CEP104: variants seen among roughly 807,000 people sequenced by gnomAD.
CEP104 encodes centrosomal protein of 104 kDa.
A neutral mutation model predicts 113.3 loss-of-function variants in CEP104; 84 were observed. The ratio of observed to expected loss-of-function variants is 0.74; its 90% CI spans 0.62 to 0.89. The LOEUF (loss-of-function observed/expected upper bound fraction) is 0.89, where lower values mean the gene tolerates loss of function less well. CEP104 is among the 40% of genes least tolerant of loss of function. The pLI, the probability that CEP104 is intolerant of heterozygous loss-of-function variation, is 0.00. For synonymous variants in CEP104, 378 were observed against 421.7 expected (o/e 0.90, Z 1.27); for missense variants, 1,053 against 1,156.6 (o/e 0.91, Z 1.30).
rs74854676 is a variant in CEP104 at position 3,823,077 on chromosome 1, T to G, written c.2571+97A>C. 1.8e-6 allele frequency: 2 copies of G among 1,119,448 alleles called. No homozygotes were observed. Among genetic ancestry groups the G allele is most frequent in the Non-Finnish European group, 2.7e-6 (2 of 738,864 alleles). 69.3% of individuals were successfully genotyped at this position (1,119,448 alleles called of 1,614,324 possible). A position where few individuals can be genotyped will look rare whatever the true frequency, so the allele number is the denominator to read the frequency against. ...CTGAACACTCATGTACTGTACTCTG[T>G]GGCTATGGTCCCGCACTGACACCAC... On this transcript the variant is annotated intron_variant, in intron 20 of 21. Coordinates refer to ENST00000378230, the MANE Select transcript of CEP104 (RefSeq NM_014704.4). This position sits in a 1 kb window ranked among gnomAD's most constrained non-coding sequence, Gnocchi z 4.1.
rs1643811082 is a variant in CEP104 at position 3,812,413 on chromosome 1, T to C, written c.*2989A>G. On this transcript the variant is annotated 3_prime_UTR_variant, in exon 22 of 22. Coordinates refer to ENST00000378230, the MANE Select transcript of CEP104 (RefSeq NM_014704.4). ...TTAATTAGTATTCCTAATTTAGATA[T>C]TTATTTATGAATGACCAAGGGATTT... 6.6e-6 allele frequency: 1 copy of C among 152,208 alleles called. No homozygotes were observed. 9.4% of individuals were successfully genotyped at this position (152,208 alleles called of 1,614,324 possible).
chr1:3,830,105 C>T (rs1644173717), intron 13 of CEP104, 108 bp from the exon 14 acceptor site: 1 of 781,426 alleles, frequency 1.3e-6, no homozygotes. Context: ...GAGAAAACAT[C>T]CGTATTAAGT....
rs985239369 is a variant in CEP104 at position 3,844,950 on chromosome 1, C to T, written c.523G>A (p.Gly175Arg). The change falls in exon 6 of 22, where the codon GGG becomes AGG. Residue 175 changes from glycine to arginine, a missense_variant. Gly to Arg is a moderately radical substitution (Grantham distance 125, BLOSUM62 -2). Transcript: ENST00000378230. ...AGAGCAGGGTCCTCGCTGTTGTGCC[C>T]AAGGTAGTGGTCAATCAACTTCTCT... ...SREKLIDHYL[G>R]HNSEDPALEG... 3.7e-6 allele frequency: 6 copies of T among 1,614,124 alleles called. No individual in the cohort carries two copies. The African/African-American group carries it at 6.7e-5, about 18-fold the overall frequency.
At chr1:3,844,629 T>C (rs777862415) in intron 6 of CEP104, among the ~76,000 whole-genome samples, 11 of 135,426 alleles carry the variant, frequency 8.1e-5, no homozygotes, top group Non-Finnish European at 1.4e-4. Context: ...ACTCAGGAGG[T>C]AGAAGTTATA....
chr1:3,835,425 G>A (rs1410064213), intron 10 of CEP104, among the ~76,000 whole-genome samples: 2 of 152,152 alleles, frequency 1.3e-5, no homozygotes, highest in Non-Finnish European at 2.9e-5. Context: ...GCCCAGGCTG[G>A]AGTGCAGTGG....
At position 3,842,503 on chromosome 1, in the gene CEP104, A is replaced by C. The variant is rs370006069; in HGVS notation, c.566+2404T>G. Among the ~76,000 whole-genome samples, 162 of 152,326 alleles carry C rather than the reference A, an allele frequency of 1.1e-3. 1 individual carries two copies. The highest frequency in any genetic ancestry group is 3.5e-3 in the African/African-American group (146 of 41,578). On this transcript the variant is annotated intron_variant, in intron 6 of 21. Transcript: ENST00000378230. Reference sequence around the variant, plus strand: ...TGTGGGGAGGCGGTGTAGCCTCTGCAGGAGGGAAGGCTCGCTGTCCACCAG... The same window carrying C: ...TGTGGGGAGGCGGTGTAGCCTCTGCCGGAGGGAAGGCTCGCTGTCCACCAG...
Position 3,829,832 on chromosome 1 carries a change from A to AAT in CEP104, c.2001_2002insAT (p.Phe668IlefsTer5). 2 of 1,614,142 alleles carry AAT rather than the reference A, an allele frequency of 1.2e-6. No homozygotes were observed. The highest frequency in any genetic ancestry group is 1.7e-6 in the Non-Finnish European group (2 of 1,180,012). On this transcript the variant is annotated frameshift_variant, in exon 14 of 22. Coordinates refer to ENST00000378230, the MANE Select transcript of CEP104 (RefSeq NM_014704.4). LOFTEE classifies it high-confidence loss of function. ...GTAGCTCTGCCATCTATTTTAGCAA[A>AAT]TCCCTCAAAAATTGTTTTGTAGAGA...
At chr1:3,836,987 G>T in intron 9 of CEP104, 1 of 516,274 alleles carries the variant, frequency 1.9e-6, no homozygotes, top group Non-Finnish European at 3.4e-6. Context: ...CAACTGACAT[G>T]GAGACTACTA....
At chr1:3,848,949 C>T (rs1174017793) in intron 2 of CEP104, among the ~76,000 whole-genome samples, 168 bp from the exon 3 acceptor site, 1 of 152,154 alleles carries the variant, frequency 6.6e-6, no homozygotes, top group Non-Finnish European at 1.5e-5. Flanking sequence ...TTCCTGTTCT[C>T]TCGAGCTTTT....
Position 3,834,912 on chromosome 1 carries a change from T to G in CEP104, c.1485+13A>C. On this transcript the variant is annotated intron_variant, in intron 11 of 21. Coordinates refer to ENST00000378230, the MANE Select transcript of CEP104 (RefSeq NM_014704.4). ...CATGCACGCTGGAGCCAGCGCCAGC[T>G]GAGGGCACTCACGGAGGTCACAATG... is the stretch of plus-strand genomic sequence containing the variant. 6.4e-7 allele frequency: 1 copy of G among 1,570,754 alleles called. No individual in the cohort carries two copies. Among genetic ancestry groups the G allele is most frequent in the Non-Finnish European group, 8.6e-7 (1 of 1,156,682 alleles).
Position 3,823,346 on chromosome 1 carries a change from G to A in CEP104, c.2503+78C>T. On this transcript the variant is annotated intron_variant, in intron 19 of 21. Coordinates refer to ENST00000378230, the MANE Select transcript of CEP104 (RefSeq NM_014704.4). The surrounding 1 kb of genome is among the most constrained non-coding windows in gnomAD (Gnocchi z 4.1). ...CTTTAATTCACCAAGCCCTTGCACAGGCTCAAGAGCAGTGGCACTTCCTCC... is the reference window on the plus strand; with the variant it reads ...CTTTAATTCACCAAGCCCTTGCACAAGCTCAAGAGCAGTGGCACTTCCTCC... The A allele has an allele frequency of 1.9e-6, 3 of 1,610,870 alleles. No individual in the cohort carries two copies. The highest frequency in any genetic ancestry group is 2.5e-6 in the Non-Finnish European group (3 of 1,177,150).
chr1:3,842,774 CTCTT>C (rs1322445183), intron 6 of CEP104, among the ~76,000 whole-genome samples: 10 of 152,054 alleles, frequency 6.6e-5, no homozygotes, highest in Non-Finnish European at 8.8e-5. Context: ...TTTGGAATTC[CTCTT>C]TATTTAAAAT....
At chr1:3,832,051 C>T (rs1216673593) in intron 12 of CEP104, among the ~76,000 whole-genome samples, 2 of 152,238 alleles carry the variant, frequency 1.3e-5, no homozygotes, top group African/African-American at 2.4e-5. Flanking sequence ...GATAGATTGC[C>T]TTAAGGTTGT....
chr1:3,847,435 G>T, intron 4 of CEP104, 40 bp downstream of exon 4: 1 of 1,525,154 alleles, frequency 6.6e-7, no homozygotes, highest in South Asian at 1.3e-5. Context: ...CCACAAAGAA[G>T]GTAGGGGCAG....
intron 10 of CEP104, among the ~76,000 whole-genome samples, chr1:3,836,088 T>G (rs1644303323): frequency 6.6e-6 from 1 of 151,130 alleles, no homozygotes; most frequent in African/African-American, 2.4e-5. Context: ...GATCACAAGA[T>G]CAGGAGATCG....
chr1:3,854,358 G>A (rs566575781), intron 1 of CEP104, among the ~76,000 whole-genome samples: 37 of 152,182 alleles, frequency 2.4e-4, no homozygotes, highest in African/African-American at 8.9e-4. Flanking sequence ...GGATCAATGC[G>A]CCAACTCTCC....
chr1:3,838,979 G>A lies in CEP104; in HGVS notation c.876C>T (p.Leu292=), dbSNP rs746899490. ...EVYEQLELHS[L]LDAELMRRPF... is the part of the protein sequence containing the mutation. Reference sequence around the variant, plus strand: ...CTGCACCCACCAGCTCGGCATCCAGGAGGCTGTGCAGCTCCAGCTGCTCGT... The same window carrying A: ...CTGCACCCACCAGCTCGGCATCCAGAAGGCTGTGCAGCTCCAGCTGCTCGT... Residue 292 remains leucine, a synonymous_variant, in exon 8 of 22, where the codon CTC becomes CTT. Transcript: ENST00000378230. The A allele has an allele frequency of 8.7e-6, 14 of 1,614,048 alleles. No individual in the cohort carries two copies. Among genetic ancestry groups the A allele is most frequent in the Non-Finnish European group, 1.2e-5 (14 of 1,180,010 alleles).
At position 3,835,438 on chromosome 1, in the gene CEP104, C is replaced by T. The variant is rs534104369; in HGVS notation, c.1318-346G>A. On this transcript the variant is annotated intron_variant, in intron 10 of 21. Coordinates refer to ENST00000378230, the MANE Select transcript of CEP104 (RefSeq NM_014704.4). ...TCGCCCAGGCTGGAGTGCAGTGGCT[C>T]GGCTCACTGCAACCTCTGTCCCCCT... Among the ~76,000 whole-genome samples, 16 of 152,294 alleles carry T rather than the reference C, an allele frequency of 1.1e-4. No individual in the cohort carries two copies. The South Asian group carries it at 2.5e-3, about 24-fold the overall frequency.
chr1:3,844,698 C>CAA (rs59649331), intron 6 of CEP104, among the ~76,000 whole-genome samples: 2 of 79,722 alleles, frequency 2.5e-5, no homozygotes, highest in African/African-American at 5.2e-5. Context: ...AATTCTGTCT[C>CAA]AAAAAAAAAG....
Sources: gnomAD v4.1 joint callset for allele counts (sites outside exome capture counted in the v4.1 genomes callset) on GRCh38, gnomAD v4.1.1 for gene constraint, Gnocchi (gnomAD v3.1) non-coding constraint, MANE v1.5 for transcripts, NCBI Gene and HGNC (gene_info 2026-07-23, HGNC 2026-07-21) for gene names.